The following MYCBP2 variants were observed in gnomAD, a reference collection of about 807,000 sequenced individuals.
MYCBP2 encodes MYC binding protein 2, also known as E3 ubiquitin-protein ligase MYCBP2.
Under a neutral mutation model 525.3 loss-of-function variants are expected in MYCBP2, and 120 were observed. The observed-to-expected ratio is 0.23, with a 90% CI of 0.20 to 0.27. The LOEUF (loss-of-function observed/expected upper bound fraction) is 0.27. Ranked by LOEUF, MYCBP2 falls within the 10% of genes least tolerant of loss-of-function variation. MYCBP2 has a pLI of 1.00. For missense variants in MYCBP2, 4,149 were observed against 5,657.1 expected, an observed-to-expected ratio of 0.73 and a Z score of 8.55; for synonymous variants, 1,894 against 1,955.8, an observed-to-expected ratio of 0.97 and a Z score of 0.83.
chr13:77,164,581 G>T, intron 42 of MYCBP2, 40 bp from the exon 43 acceptor site: 1 of 1,176,214 alleles, frequency 8.5e-7, no homozygotes, highest in Non-Finnish European at 1.3e-6. Flanking sequence ...AAAAATGTTT[G>T]AATGATAATA....
At chr13:77,110,869 T>G (rs2154144665) in intron 55 of MYCBP2, among the ~76,000 whole-genome samples, 1 of 152,316 alleles carries the variant, frequency 6.6e-6, no homozygotes, top group Non-Finnish European at 1.5e-5. Context: ...GCAAGAATTC[T>G]CTCATCTCAA....
chr13:77,239,975 A>G (rs1460500490), intron 17 of MYCBP2, among the ~76,000 whole-genome samples: 2 of 152,226 alleles, frequency 1.3e-5, no homozygotes, highest in African/African-American at 4.8e-5. Flanking sequence ...AACAAATTGT[A>G]AAGAAGAAAA....
intron 52 of MYCBP2, among the ~76,000 whole-genome samples, chr13:77,128,610 C>T (rs980814527): frequency 2.0e-5 from 3 of 151,434 alleles, no homozygotes; most frequent in Admixed American, 2.0e-4. Flanking sequence ...AAAGTTTATC[C>T]AATTCTTGTG....
intron 17 of MYCBP2, among the ~76,000 whole-genome samples, chr13:77,238,705 T>C (rs2068349348): frequency 6.6e-6 from 1 of 152,240 alleles, no homozygotes; most frequent in South Asian, 2.1e-4. Flanking sequence ...TCCAAATGTA[T>C]GAAGAAGCAG....
chr13:77,309,188 C>A (rs2079838126), intron 1 of MYCBP2, among the ~76,000 whole-genome samples: 1 of 152,208 alleles, frequency 6.6e-6, no homozygotes, highest in Non-Finnish European at 1.5e-5. Flanking sequence ...CACTTTCCCA[C>A]TTTTCCCTGC....
intron 4 of MYCBP2, among the ~76,000 whole-genome samples, chr13:77,275,907 C>G (rs931084508): frequency 6.6e-6 from 1 of 152,126 alleles, no homozygotes; most frequent in African/African-American, 2.4e-5. Context: ...TAGCTTGAAC[C>G]CAGGAGGTGG....
intron 58 of MYCBP2, among the ~76,000 whole-genome samples, chr13:77,093,953 T>C (rs4489888): frequency 0.57 from 86,982 of 152,064 alleles, 28,308 homozygotes; most frequent in Non-Finnish European, 0.73. Context: ...CGTTTTACAA[T>C]TTGATTCTTT....
rs1435262264 is a variant in MYCBP2, at chr13:77,174,455, T to C, written c.5507A>G (p.Tyr1836Cys). The C allele has an allele frequency of 3.7e-6, 6 of 1,614,142 alleles. No individual in the cohort carries two copies. Among genetic ancestry groups the C allele is most frequent in the Admixed American group, 3.3e-5 (2 of 60,016 alleles). ...NVKYAVRLRNYGSRTANGDGG... is the reference protein window; with the variant it reads ...NVKYAVRLRNCGSRTANGDGG... ...ATCTCCATTGGCTGTACGGCTTCCA[T>C]AGTTCCTCAAGCGCACAGCATATTT... Residue 1836 changes from tyrosine (Y) to cysteine (C), a missense_variant, in exon 37 of 83, where the codon TAT (tyrosine) becomes TGT (cysteine). Physicochemically the swap from Tyr to Cys is radical, Grantham distance 194. This residue lies in a region of MYCBP2 where 109 missense variants were observed against 118.9 expected (regional missense o/e 0.92). Transcript: ENST00000544440.
chr13:77,061,413 G>C, intron 75 of MYCBP2, 112 bp from the exon 76 acceptor site: 2 of 996,702 alleles, frequency 2.0e-6, no homozygotes, highest in East Asian at 2.8e-5. Context: ...AGCACTCTAA[G>C]AAGTTTTGAA....
intron 55 of MYCBP2, among the ~76,000 whole-genome samples, chr13:77,108,334 T>TTCAG (rs2048181883): frequency 6.6e-6 from 1 of 152,208 alleles, no homozygotes; most frequent in Admixed American, 6.5e-5. Context: ...AGCGTATCAT[T>TTCAG]TCAGGGTTTG....
intron 26 of MYCBP2, among the ~76,000 whole-genome samples, chr13:77,201,891 G>A (rs1366336246): frequency 1.3e-5 from 2 of 152,054 alleles, no homozygotes; most frequent in African/African-American, 4.8e-5. Flanking sequence ...CACATTCAAA[G>A]CAGTGTGTAG....
intron 26 of MYCBP2, among the ~76,000 whole-genome samples, chr13:77,204,905 G>C (rs1299375728): frequency 9.0e-6 from 1 of 111,358 alleles, no homozygotes; most frequent in Non-Finnish European, 1.8e-5. Context: ...TTGTGGGGTG[G>C]GGGGAGGGGG....
chr13:77,249,048 G>A (rs1052346974), intron 15 of MYCBP2, among the ~76,000 whole-genome samples: 7 of 152,162 alleles, frequency 4.6e-5, no homozygotes, highest in African/African-American at 1.4e-4. Context: ...TTATATGAGA[G>A]GTACCTAGAG....
At position 77,326,575 on chromosome 13, in the gene MYCBP2, C is replaced by T. The variant is rs199858534; in HGVS notation, c.201G>A (p.Leu67=). ...AADSRGHYQL[L]LSGRALADRY... ...GGTCGGCCAGGGCCCGGCCTGACAGCAGCAGCTGGTAGTGACCCCGGGAGT... is the reference window on the plus strand; with the variant it reads ...GGTCGGCCAGGGCCCGGCCTGACAGTAGCAGCTGGTAGTGACCCCGGGAGT... The change falls in exon 1 of 83, where the codon CTG becomes CTA. Residue 67 remains leucine, a synonymous_variant. Coordinates refer to ENST00000544440, the MANE Select transcript of MYCBP2 (RefSeq NM_015057.5). This position sits in a 1 kb window ranked among gnomAD's most constrained non-coding sequence, Gnocchi z 4.2. 1.9e-6 allele frequency: 3 copies of T among 1,598,482 alleles called. No individual in the cohort carries two copies. The highest frequency in any genetic ancestry group is 2.6e-6 in the Non-Finnish European group (3 of 1,173,476).
intron 76 of MYCBP2, 125 bp from the exon 77 acceptor site, chr13:77,059,751 G>GT: frequency 1.6e-6 from 1 of 621,430 alleles, no homozygotes; most frequent in South Asian, 1.9e-5. Flanking sequence ...CAGCCTGACA[G>GT]TTTTAGAACG....
intron 68 of MYCBP2, among the ~76,000 whole-genome samples, chr13:77,072,252 C>G (rs919968081): frequency 3.4e-5 from 5 of 146,406 alleles, no homozygotes; most frequent in Non-Finnish European, 5.9e-5. Context: ...GATTGCACCA[C>G]TGCACTCCAG....
intron 52 of MYCBP2, among the ~76,000 whole-genome samples, chr13:77,134,488 C>G (rs1013798281): frequency 4.0e-5 from 6 of 151,714 alleles, no homozygotes; most frequent in African/African-American, 1.5e-4. Context: ...GAGCCAAGAT[C>G]GTGCCACTGA....
chr13:77,230,823 G>A (rs1481847769), intron 18 of MYCBP2, among the ~76,000 whole-genome samples: 1 of 152,238 alleles, frequency 6.6e-6, no homozygotes, highest in Non-Finnish European at 1.5e-5. Context: ...AATAAGCTGT[G>A]TGCTGGGACT....
At chr13:77,248,057 G>C (rs570635358) in intron 15 of MYCBP2, among the ~76,000 whole-genome samples, 1 of 151,318 alleles carries the variant, frequency 6.6e-6, no homozygotes, top group African/African-American at 2.4e-5. Flanking sequence ...CGAGTTAATG[G>C]GTGCAGCACA....
Sources: allele counts gnomAD v4.1 joint callset (sites outside exome capture counted in the v4.1 genomes callset), GRCh38; gene constraint gnomAD v4.1.1; regional missense constraint gnomAD v4.1.1; non-coding constraint Gnocchi (gnomAD v3.1); transcripts MANE v1.5; gene names NCBI Gene and HGNC (gene_info 2026-07-23, HGNC 2026-07-21).